ACACB: variants seen among roughly 807,000 people sequenced by gnomAD.
ACACB encodes the protein acetyl-CoA carboxylase 2.
In ACACB, 209 loss-of-function variants were observed where a neutral mutation model predicts 278.8. The ratio of observed to expected loss-of-function variants is 0.75; its 90% CI spans 0.67 to 0.84. The LOEUF (loss-of-function observed/expected upper bound fraction) is 0.84. Ranked by LOEUF, ACACB falls within the 40% of genes least tolerant of loss-of-function variation. The pLI is 0.00. For missense variants in ACACB, 2,850 were observed against 3,269.0 expected (o/e 0.87, Z 3.13); for synonymous variants, 1,174 against 1,285.6 (o/e 0.91, Z 1.86).
chr12:109,115,663 T>A (rs1174251689), upstream of ACACB, among the ~76,000 whole-genome samples: 1 of 152,194 alleles, frequency 6.6e-6, no homozygotes, highest in Non-Finnish European at 1.5e-5. Context: ...GAGCACATGC[T>A]TCCAAGTCCA....
At chr12:109,244,715 C>G (rs1168715704) in intron 37 of ACACB, among the ~76,000 whole-genome samples, 1 of 152,042 alleles carries the variant, frequency 6.6e-6, no homozygotes, top group Admixed American at 6.6e-5. Context: ...GCCTCAGCCT[C>G]CCGAAGTGTT....
At chr12:109,261,880 CAA>C (rs757106164) in intron 48 of ACACB, among the ~76,000 whole-genome samples, 12 of 86,066 alleles carry the variant, frequency 1.4e-4, no homozygotes, top group African/African-American at 1.3e-4. Context: ...AAAAAAAAAA[CAA>C]AAAAAAAAAA....
intron 35 of ACACB, among the ~76,000 whole-genome samples, chr12:109,240,423 G>A (rs2046761212): frequency 6.6e-6 from 1 of 152,016 alleles, no homozygotes; most frequent in African/African-American, 2.4e-5. Context: ...TTGGGAGGCT[G>A]AGGTGGGTAG....
At chr12:109,260,381 C>A in intron 47 of ACACB, 99 bp from the exon 48 acceptor site, 1 of 1,454,858 alleles carries the variant, frequency 6.9e-7, no homozygotes. Flanking sequence ...AGCCTCTCAG[C>A]TGGGCTCACT....
intron 2 of ACACB, among the ~76,000 whole-genome samples, chr12:109,146,410 T>G (rs1423090631): frequency 1.3e-5 from 2 of 152,214 alleles, no homozygotes; most frequent in Non-Finnish European, 2.9e-5. Flanking sequence ...AATGCTTGTG[T>G]TAAGTCTGTG....
At chr12:109,249,930 C>T (rs2047049450) in intron 40 of ACACB, 54 bp from the exon 41 acceptor site, 1 of 1,559,378 alleles carries the variant, frequency 6.4e-7, no homozygotes, top group Non-Finnish European at 8.7e-7. Flanking sequence ...AATGCATCCA[C>T]CTTGGATTTT....
In ACACB at chr12:109,239,909, A is replaced by G. The variant is rs374516918; in HGVS notation, c.4742A>G (p.Asn1581Ser). 13 of 1,614,062 alleles carry G rather than the reference A, an allele frequency of 8.1e-6. No individual in the cohort carries two copies. Among genetic ancestry groups the G allele is most frequent in the African/African-American group, 8.0e-5 (6 of 74,928 alleles). Residue 1581 changes from asparagine (N) to serine (S), a missense_variant, in exon 35 of 53, where the codon AAT becomes AGT. By Grantham distance (46) the Asn-to-Ser change is conservative (BLOSUM62 1). Coordinates refer to ENST00000338432, the MANE Select transcript of ACACB (RefSeq NM_001093.4). The part of the protein sequence containing the change: ...EAMDELEVAF[N>S]NTSVRTDCNH... ...ATGGACGAGCTGGAGGTGGCGTTCA[A>G]TAACACCAGCGTGCGCACCGACTGC...
At position 109,239,919 on chromosome 12, in the gene ACACB, C is replaced by T. The variant is rs377171312; in HGVS notation, c.4752C>T (p.Ser1584=). ...TGGAGGTGGCGTTCAATAACACCAG[C>T]GTGCGCACCGACTGCAACCACATCT... ...DELEVAFNNT[S]VRTDCNHIFL... Residue 1584 remains serine (S), a synonymous_variant, in exon 35 of 53, where the codon AGC becomes AGT. Transcript: ENST00000338432. 53 of 1,614,076 alleles carry T rather than the reference C, an allele frequency of 3.3e-5. No individual in the cohort carries two copies. Among genetic ancestry groups the T allele is most frequent in the Admixed American group, 8.3e-5 (5 of 60,008 alleles).
At chr12:109,257,199 A>C (rs934856950) in intron 45 of ACACB, among the ~76,000 whole-genome samples, 3 of 152,140 alleles carry the variant, frequency 2.0e-5, no homozygotes, top group African/African-American at 7.2e-5. Context: ...GCTTGAACCC[A>C]GAAGGTGGAT....
rs2047554201 is a variant in ACACB, at chr12:109,267,921, C to T, written c.*1559C>T. 1 of 151,850 alleles carries T rather than the reference C, an allele frequency of 6.6e-6. No homozygotes were observed. The highest frequency in any genetic ancestry group is 1.5e-5 in the Non-Finnish European group (1 of 68,022). 9.4% of individuals were successfully genotyped at this position (151,850 alleles called of 1,614,324 possible). On this transcript the variant is annotated 3_prime_UTR_variant, in exon 53 of 53. Transcript: ENST00000338432. ...GGTTGCCCAGGGAAGCCTCCAAAAG[C>T]TGGGATGCTTGAGGGTATCCAAGTT... is the stretch of plus-strand genomic sequence containing the variant.
chr12:109,138,569 T>TA (rs1349482567), intron 1 of ACACB, among the ~76,000 whole-genome samples: 6 of 81,718 alleles, frequency 7.3e-5, no homozygotes, highest in Non-Finnish European at 1.2e-4. Context: ...TTAAGAGTCT[T>TA]TAAAAAAAAA....
chr12:109,169,714 G>A (rs1184290638), intron 4 of ACACB, among the ~76,000 whole-genome samples: 4 of 152,298 alleles, frequency 2.6e-5, no homozygotes, highest in Admixed American at 2.6e-4. Context: ...CTCTCTCAGA[G>A]AACCTCATTT....
Position 109,199,469 on chromosome 12 carries a change from TC to T in ACACB, c.2700del (p.Ser901ArgfsTer5). 1 of 1,566,384 alleles carries T rather than the reference TC, an allele frequency of 6.4e-7. No homozygotes were observed. The highest frequency in any genetic ancestry group is 8.6e-7 in the Non-Finnish European group (1 of 1,156,258). ...GGAGAACGATCCTACAGTCCTGAGA[TC>T]CCCCTCGGCTGGGAAGCTGACACAG... ...EKENDPTVLR[S>X]PSAGKLTQYT... On this transcript the variant is annotated frameshift_variant, in exon 18 of 53. Coordinates refer to ENST00000338432, the MANE Select transcript of ACACB (RefSeq NM_001093.4). LOFTEE classifies it high-confidence loss of function.
chr12:109,175,460 G>A (rs1180231809), intron 7 of ACACB, among the ~76,000 whole-genome samples: 2 of 152,092 alleles, frequency 1.3e-5, no homozygotes, highest in Non-Finnish European at 2.9e-5. Flanking sequence ...CTGTCACCCA[G>A]GCCAAACTGT....
intron 2 of ACACB, among the ~76,000 whole-genome samples, chr12:109,156,398 C>T (rs1449246906): frequency 1.3e-5 from 2 of 151,950 alleles, no homozygotes; most frequent in African/African-American, 4.8e-5. Context: ...GATGGTGATG[C>T]ATGCCTGGAG....
intron 2 of ACACB, among the ~76,000 whole-genome samples, chr12:109,147,824 G>A (rs577489651): frequency 8.6e-5 from 13 of 151,846 alleles, no homozygotes; most frequent in African/African-American, 2.9e-4. Context: ...ATGGATGAAT[G>A]AATGGATGAA....
At chr12:109,184,912 A>T (rs1201724933) in intron 11 of ACACB, among the ~76,000 whole-genome samples, 1 of 151,852 alleles carries the variant, frequency 6.6e-6, no homozygotes, top group Non-Finnish European at 1.5e-5. Flanking sequence ...GGGTCTCATT[A>T]TGTTGCCCAG....
chr12:109,220,090 C>T (rs2046116704), intron 24 of ACACB, among the ~76,000 whole-genome samples: 1 of 152,158 alleles, frequency 6.6e-6, no homozygotes, highest in Non-Finnish European at 1.5e-5. Context: ...TGACTCTCTT[C>T]TGGGCATGAA....
chr12:109,214,091 C>CA (rs71079536), intron 22 of ACACB, among the ~76,000 whole-genome samples: 25,464 of 125,140 alleles, frequency 0.2, 2,430 homozygotes, highest in East Asian at 0.34. Context: ...CCTGTCTCTA[C>CA]AAAAAAAAAA....
Sources: allele counts gnomAD v4.1 joint callset (sites outside exome capture counted in the v4.1 genomes callset), GRCh38; gene constraint gnomAD v4.1.1; transcripts MANE v1.5; gene names NCBI Gene and HGNC (gene_info 2026-07-23, HGNC 2026-07-21).